The following ETV1 variants were observed in gnomAD, a reference collection of about 807,000 sequenced individuals.
The protein encoded by ETV1 is ETS variant transcription factor 1.
Under a neutral mutation model 62.3 loss-of-function variants are expected in ETV1, and 27 were observed. That is an observed-to-expected ratio of 0.43 (90% CI 0.32 to 0.60). ETV1 has a LOEUF of 0.60. Among genes scored for constraint, ETV1 ranks in the 20% least tolerant of loss-of-function variants. The pLI is 0.06. For synonymous variants in ETV1, 222 were observed against 199.6 expected (o/e 1.11, Z -0.94); for missense variants, 605 against 605.8 (o/e 1.00, Z 0.01).
chr7:13,977,443 G>A lies in ETV1; in HGVS notation c.219C>T (p.Asp73=). The A allele has an allele frequency of 6.5e-7, 1 of 1,545,714 alleles. No homozygotes were observed. Among genetic ancestry groups the A allele is most frequent in the Non-Finnish European group, 8.8e-7 (1 of 1,142,372 alleles). The part of the protein sequence containing the change: ...VPDNDEQFVP[D]YQAESLAFHG... ...TATACTTACAACTTTCAGCCTGATA[G>A]TCTGGTACAAACTGCTCATCATTGT... The change falls in exon 6 of 14, where the codon GAC becomes GAT. Residue 73 remains aspartate, a synonymous_variant. Coordinates refer to ENST00000430479, the MANE Select transcript of ETV1 (RefSeq NM_004956.5).
chr7:13,949,993 T>C (rs1483171022), intron 6 of ETV1, among the ~76,000 whole-genome samples: 1 of 152,202 alleles, frequency 6.6e-6, no homozygotes. Flanking sequence ...ATACCCAGTC[T>C]GCCCCTGGAA....
At chr7:13,963,401 A>C (rs1790413810) in intron 6 of ETV1, among the ~76,000 whole-genome samples, 1 of 152,086 alleles carries the variant, frequency 6.6e-6, no homozygotes, top group South Asian at 2.1e-4. Context: ...CTTAACTATT[A>C]TAAATAATAT....
chr7:13,966,065 T>C (rs1456388387), intron 6 of ETV1, among the ~76,000 whole-genome samples: 2 of 152,182 alleles, frequency 1.3e-5, no homozygotes, highest in African/African-American at 4.8e-5. Context: ...ATAAAATTTG[T>C]TAATTCTGAC....
chr7:13,924,992 A>C (rs1359568436), intron 9 of ETV1, among the ~76,000 whole-genome samples: 1 of 152,226 alleles, frequency 6.6e-6, no homozygotes, highest in Non-Finnish European at 1.5e-5. Context: ...GAGTGGCCTT[A>C]AGAAACACAA....
intron 9 of ETV1, among the ~76,000 whole-genome samples, chr7:13,913,320 C>T (rs1015537973): frequency 2.0e-5 from 3 of 152,198 alleles, no homozygotes; most frequent in Admixed American, 2.0e-4. Flanking sequence ...ATCATTAGTA[C>T]AAGTACAGCA....
chr7:13,895,511 C>T lies in ETV1; in HGVS notation c.*355G>A, dbSNP rs1018772854. 11 of 276,312 alleles carry T rather than the reference C, an allele frequency of 4.0e-5. No homozygotes were observed. Among genetic ancestry groups the T allele is most frequent in the East Asian group, 2.6e-4 (5 of 19,522 alleles). 17.1% of individuals were successfully genotyped at this position (276,312 alleles called of 1,614,324 possible). ...ACCATAGATACCCCGATAAAATAAACATTATCTTATGTTGTTATGAAATCA... is the reference window on the plus strand; with the variant it reads ...ACCATAGATACCCCGATAAAATAAATATTATCTTATGTTGTTATGAAATCA... On this transcript the variant is annotated 3_prime_UTR_variant, in exon 14 of 14. Coordinates refer to ENST00000430479, the MANE Select transcript of ETV1 (RefSeq NM_004956.5).
At chr7:13,916,806 C>A (rs1269178444) in intron 9 of ETV1, among the ~76,000 whole-genome samples, 2 of 152,118 alleles carry the variant, frequency 1.3e-5, no homozygotes, top group Non-Finnish European at 2.9e-5. Flanking sequence ...GTGGCACACA[C>A]CTGTAGTGCC....
At chr7:13,952,966 C>A (rs1444219511) in intron 6 of ETV1, among the ~76,000 whole-genome samples, 1 of 152,138 alleles carries the variant, frequency 6.6e-6, no homozygotes, top group East Asian at 1.9e-4. Context: ...TGGGAGGAAA[C>A]TGGTTCTTCC....
At position 13,989,038 on chromosome 7, in the gene ETV1, A is replaced by T; in HGVS notation, c.15T>A (p.Tyr5Ter). Residue 5 changes from tyrosine to a stop codon, truncating the protein, a stop_gained, in exon 3 of 14, where the codon TAT becomes TAA. Coordinates refer to ENST00000430479, the MANE Select transcript of ETV1 (RefSeq NM_004956.5). LOFTEE classifies it high-confidence loss of function. ...TGACCATGTAAGGCACTTGCTGGTC[A>T]TAAAATCCATCCATGCTGCTGCTCT... The part of the protein sequence containing the change: MDGF[Y>*]DQQVPYMVTN... 6.2e-7 allele frequency: 1 copy of T among 1,606,044 alleles called. No homozygotes were observed. The highest frequency in any genetic ancestry group is 1.1e-5 in the South Asian group (1 of 89,482).
At chr7:13,898,662 C>T (rs1158994665) in intron 13 of ETV1, among the ~76,000 whole-genome samples, 1 of 152,072 alleles carries the variant, frequency 6.6e-6, no homozygotes, top group African/African-American at 2.4e-5. Context: ...ATTATATACA[C>T]CACATATGCC....
chr7:13,896,790 A>AAGAAAGAAAGAAAGAAAG, intron 13 of ETV1, among the ~76,000 whole-genome samples: 1 of 151,924 alleles, frequency 6.6e-6, no homozygotes, highest in East Asian at 1.9e-4. Flanking sequence ...GAAAGAAAGA[A>AAGAAAGAAAGAAAGAAAG]AGGATACACA....
At chr7:13,974,049 A>G (rs986498021) in intron 6 of ETV1, among the ~76,000 whole-genome samples, 6 of 152,220 alleles carry the variant, frequency 3.9e-5, no homozygotes, top group African/African-American at 1.4e-4. Context: ...ATCTTGTCAA[A>G]GACACAAATG....
chr7:13,983,493 T>G (rs889925522), intron 5 of ETV1, among the ~76,000 whole-genome samples: 2 of 151,946 alleles, frequency 1.3e-5, no homozygotes, highest in African/African-American at 4.8e-5. Context: ...TGGGATCAAA[T>G]AATTGCAATT....
At chr7:13,981,526 TAC>T (rs531545891) in intron 5 of ETV1, among the ~76,000 whole-genome samples, 2,626 of 133,916 alleles carry the variant, frequency 0.02, 70 homozygotes, top group African/African-American at 0.066. Flanking sequence ...CATACATACA[TAC>T]ATACATATAT....
chr7:13,961,965 T>C (rs922371645), intron 6 of ETV1, among the ~76,000 whole-genome samples: 20 of 151,436 alleles, frequency 1.3e-4, no homozygotes, highest in African/African-American at 4.6e-4. Flanking sequence ...AGCCCACATG[T>C]TGGTAGGTGT....
chr7:13,900,589 G>T (rs1782309687), intron 13 of ETV1, 149 bp downstream of exon 13: 2 of 582,328 alleles, frequency 3.4e-6, no homozygotes, highest in Non-Finnish European at 6.0e-6. Flanking sequence ...ACATAGAAAG[G>T]CTTGTAATAC....
In ETV1 at chr7:13,893,426, A is replaced by C. The variant is rs1781515183; in HGVS notation, c.*2440T>G. Reference sequence around the variant, plus strand: ...TTTTCAACCCTTCTGTATTGGAAATACACTTAATGTTGGTCAATTATGTAT... The same window carrying C: ...TTTTCAACCCTTCTGTATTGGAAATCCACTTAATGTTGGTCAATTATGTAT... On this transcript the variant is annotated 3_prime_UTR_variant, in exon 14 of 14. Coordinates refer to ENST00000430479, the MANE Select transcript of ETV1 (RefSeq NM_004956.5). The C allele has an allele frequency of 4.3e-6, 1 of 230,526 alleles. No individual in the cohort carries two copies. The highest frequency in any genetic ancestry group is 2.2e-5 in the African/African-American group (1 of 45,248). The allele number at this position is 230,526 out of a possible 1,614,324, so 14.3% of individuals were successfully genotyped here.
chr7:13,909,081 C>T (rs1227194660), intron 11 of ETV1, among the ~76,000 whole-genome samples: 1 of 151,552 alleles, frequency 6.6e-6, no homozygotes, highest in Non-Finnish European at 1.5e-5. Flanking sequence ...TTTCCTAACT[C>T]CCTTTTAAGC....
intron 8 of ETV1, among the ~76,000 whole-genome samples, chr7:13,932,786 T>C (rs1786342923): frequency 6.6e-6 from 1 of 152,174 alleles, no homozygotes. Context: ...ATAAGCCTAA[T>C]AACCCCCCCA....
Sources: allele counts gnomAD v4.1 joint callset (sites outside exome capture counted in the v4.1 genomes callset), GRCh38; gene constraint gnomAD v4.1.1; transcripts MANE v1.5; gene names NCBI Gene and HGNC (gene_info 2026-07-23, HGNC 2026-07-21).